BTNL2: variants seen among roughly 807,000 people sequenced by gnomAD.
BTNL2 encodes butyrophilin like 2.
Under a neutral mutation model 46.8 loss-of-function variants are expected in BTNL2, and 46 were observed. The observed-to-expected ratio is 0.98, with a 90% CI of 0.78 to 1.26. The LOEUF is 1.26. Ranked by LOEUF, BTNL2 falls within the 50% of genes most tolerant of loss-of-function variation. BTNL2 has a pLI of 0.00. For missense variants in BTNL2, 461 were observed against 592.6 expected (o/e 0.78, Z 2.31); for synonymous variants, 226 against 229.1 (o/e 0.99, Z 0.12).
chr6:32,403,456 A>C (rs921491585), intron 2 of BTNL2, among the ~76,000 whole-genome samples: 2 of 152,216 alleles, frequency 1.3e-5, no homozygotes, highest in African/African-American at 4.8e-5. Flanking sequence ...AGAAAGGGGA[A>C]TCGGAGAAGG....
rs575128622 is a variant in BTNL2, at chr6:32,404,949, G to C, written c.417C>G (p.Leu139=). Residue 139 remains leucine, a synonymous_variant, in exon 2 of 8, where the codon CTC becomes CTG. Transcript: ENST00000454136. ...GNYCGETSLL[L]KVAGLGSAPS... is the part of the protein sequence containing the mutation. ...TCCCCAGATATTCACCTGCTACTTT[G>C]AGCAGCAAGCTTGTTTCTCCACAGT... 6.2e-7 allele frequency: 1 copy of C among 1,612,500 alleles called. No individual in the cohort carries two copies. The highest frequency in any genetic ancestry group is 1.7e-4 in the Middle Eastern group (1 of 6,058).
intron 4 of BTNL2, among the ~76,000 whole-genome samples, chr6:32,401,188 A>C (rs1248042168): frequency 2.4e-5 from 3 of 124,418 alleles, no homozygotes; most frequent in Non-Finnish European, 3.2e-5. Context: ...AGCCTGGGCG[A>C]CAGAGCAAGA....
chr6:32,404,426 A>T (rs1193268846), intron 2 of BTNL2, among the ~76,000 whole-genome samples: 1 of 152,200 alleles, frequency 6.6e-6, no homozygotes, highest in Non-Finnish European at 1.5e-5. Flanking sequence ...TCCCCAATTC[A>T]TTGAACACTA....
Position 32,393,690 on chromosome 6 carries a change from C to T in BTNL2, c.*6+273G>A. 3.2e-6 allele frequency: 1 copy of T among 307,878 alleles called. No individual in the cohort carries two copies. The highest frequency in any genetic ancestry group is 5.8e-6 in the Non-Finnish European group (1 of 171,284). The allele number at this position is 307,878 out of a possible 1,614,324, so 19.1% of individuals were successfully genotyped here. Reference sequence around the variant, plus strand: ...TACTACTCACTTTTTTCTTCTTCTTCCCTAACCAGATCACTGGGGAATGGG... The same window carrying T: ...TACTACTCACTTTTTTCTTCTTCTTTCCTAACCAGATCACTGGGGAATGGG... On this transcript the variant is annotated intron_variant, in intron 7 of 7. Transcript: ENST00000454136. This position sits in a 1 kb window ranked among gnomAD's most constrained non-coding sequence, Gnocchi z 4.8.
At position 32,396,107 on chromosome 6, in the gene BTNL2, C is replaced by T. The variant is rs759801757; in HGVS notation, c.1010G>A (p.Gly337Glu). 9.9e-6 allele frequency: 16 copies of T among 1,612,936 alleles called. No homozygotes were observed. The highest frequency in any genetic ancestry group is 1.7e-5 in the Admixed American group (1 of 60,000). The change falls in exon 5 of 8, where the codon GGG becomes GAG. Residue 337 changes from glycine to glutamate, a missense_variant. Transcript: ENST00000454136. The surrounding 1 kb of genome is among the most constrained non-coding windows in gnomAD (Gnocchi z 4.4). ...QILSARPSDD[G>E]QYRCLFEKDD... Reference sequence around the variant, plus strand: ...TTTTTCAAAAAGGCAGCGGTACTGCCCGTCGTCCGAAGGTCTGGCACTGAG... The same window carrying T: ...TTTTTCAAAAAGGCAGCGGTACTGCTCGTCGTCCGAAGGTCTGGCACTGAG...
At position 32,394,186 on chromosome 6, in the gene BTNL2, C is replaced by G. The variant is rs1031151495; in HGVS notation, c.1361-129G>C. The G allele has an allele frequency of 1.0e-5, 13 of 1,259,290 alleles. No individual in the cohort carries two copies. The highest frequency in any genetic ancestry group is 1.4e-5 in the Non-Finnish European group (13 of 926,998). The allele number at this position is 1,259,290 out of a possible 1,614,324, so 78.0% of individuals were successfully genotyped here. ...TTTGGCCTCCCAGGAAGCAGTTGGCCTGCTCCTCCCTGCTCTGGAGATGCA... is the reference window on the plus strand; with the variant it reads ...TTTGGCCTCCCAGGAAGCAGTTGGCGTGCTCCTCCCTGCTCTGGAGATGCA... On this transcript the variant is annotated intron_variant, in intron 6 of 7. Transcript: ENST00000454136. The surrounding 1 kb of genome is among the most constrained non-coding windows in gnomAD (Gnocchi z 4.6).
In BTNL2 at chr6:32,394,902, G is replaced by C; in HGVS notation, c.1202C>G (p.Thr401Arg). 6.2e-7 allele frequency: 1 copy of C among 1,614,196 alleles called. No individual in the cohort carries two copies. The highest frequency in any genetic ancestry group is 8.5e-7 in the Non-Finnish European group (1 of 1,180,038). The change falls in exon 6 of 8, where the codon ACG becomes AGG. Residue 401 changes from threonine to arginine, a missense_variant. Physicochemically the swap from Thr to Arg is moderately conservative, Grantham distance 71 (BLOSUM62 -1). Transcript: ENST00000454136. This position sits in a 1 kb window ranked among gnomAD's most constrained non-coding sequence, Gnocchi z 4.6. ...CAGGGCCTGGGAAGATGATGGTATC[G>C]TCTTTCCTTCCATGTCCCTCCATGG... Reference protein sequence around the residue: ...HVPWRDMEGKTIPSSSQALTQ... With the variant: ...HVPWRDMEGKRIPSSSQALTQ...
Position 32,405,144 on chromosome 6 carries a change from C to G in BTNL2, c.222G>C (p.Val74=), listed in dbSNP as rs1562260241. Reference sequence around the variant, plus strand: ...CCTCCACTCCATCCCTGTGCACAAACACAGGTGTGCTGGGCTCTGAGCGGT... The same window carrying G: ...CCTCCACTCCATCCCTGTGCACAAAGACAGGTGTGCTGGGCTCTGAGCGGT... ...RWYRSEPSTP[V]FVHRDGVEVT... Residue 74 remains valine, a synonymous_variant, in exon 2 of 8, where the codon GTG becomes GTC. Transcript: ENST00000454136. 1.2e-6 allele frequency: 2 copies of G among 1,613,098 alleles called. No individual in the cohort carries two copies. The highest frequency in any genetic ancestry group is 4.5e-5 in the East Asian group (2 of 44,884).
At chr6:32,404,221 T>C (rs1776970853) in intron 2 of BTNL2, among the ~76,000 whole-genome samples, 1 of 152,198 alleles carries the variant, frequency 6.6e-6, no homozygotes, top group Non-Finnish European at 1.5e-5. Flanking sequence ...CCTTAGTAAT[T>C]GGATTTACTT....
Position 32,407,092 on chromosome 6 carries a change from C to A in BTNL2, c.32G>T (p.Gly11Val), listed in dbSNP as rs1562262821. MVDFPGYNLS[G>V]AVASFLFILL... ...GATGAATAGGAAGGAGGCGACTGCA[C>A]CAGACAGATTGTAGCCTGGAAAATC... is the stretch of plus-strand genomic sequence containing the variant. The change falls in exon 1 of 8, where the codon GGT becomes GTT. Residue 11 changes from glycine to valine, a missense_variant. By Grantham distance (109) the Gly-to-Val change is moderately radical. Transcript: ENST00000454136. 4 of 1,612,988 alleles carry A rather than the reference C, an allele frequency of 2.5e-6. No individual in the cohort carries two copies.
At chr6:32,398,246 A>G (rs1268553540) in intron 4 of BTNL2, among the ~76,000 whole-genome samples, 1 of 152,238 alleles carries the variant, frequency 6.6e-6, no homozygotes, top group Non-Finnish European at 1.5e-5. Context: ...TAATAGAAAC[A>G]CAAGCATAAA....
chr6:32,395,501 C>T (rs1376204351), intron 5 of BTNL2, among the ~76,000 whole-genome samples: 1 of 152,164 alleles, frequency 6.6e-6, no homozygotes, highest in Admixed American at 6.5e-5. Flanking sequence ...CGTAGCATAT[C>T]CAAGACTTGG....
chr6:32,405,830 TTTG>T lies in BTNL2; in HGVS notation c.80-547_80-545del, dbSNP rs1777114731. On this transcript the variant is annotated intron_variant, in intron 1 of 7. Transcript: ENST00000454136. The stretch of plus-strand genomic sequence containing the variant: ...CTGTTTTTTTTTTGTTTTTTTTTTG[TTTG>T]TTTTTTTCCCGTCTGGAGTTGGCAG... Among the ~76,000 whole-genome samples the T allele has an allele frequency of 1.1e-4, 13 of 117,022 alleles. No homozygotes were observed. In the South Asian group the frequency reaches 3.5e-3, roughly 32 times the overall value. The allele number at this position is 117,022 out of a possible 152,430, so 76.8% of individuals were successfully genotyped here.
In BTNL2 at chr6:32,399,690, T is replaced by A. The variant is rs1486745718; in HGVS notation, c.730+2095A>T. ...TAGCTGTAATATGAGGATAAAGCAA[T>A]TAAACTTTATAATTATTGTAAGAAA... On this transcript the variant is annotated intron_variant, in intron 4 of 7. Coordinates refer to ENST00000454136, the MANE Select transcript of BTNL2 (RefSeq NM_001304561.2). This position sits in a 1 kb window ranked among gnomAD's most constrained non-coding sequence, Gnocchi z 5.2. Among the ~76,000 whole-genome samples the A allele has an allele frequency of 6.6e-6, 1 of 152,212 alleles. No individual in the cohort carries two copies. Among genetic ancestry groups the A allele is most frequent in the Non-Finnish European group, 1.5e-5 (1 of 68,030 alleles).
In BTNL2 at chr6:32,393,858, C is replaced by A; in HGVS notation, c.*6+105G>T. 1 of 1,425,906 alleles carries A rather than the reference C, an allele frequency of 7.0e-7. No individual in the cohort carries two copies. Among genetic ancestry groups the A allele is most frequent in the Non-Finnish European group, 9.3e-7 (1 of 1,075,350 alleles). The allele number at this position is 1,425,906 out of a possible 1,614,324, so 88.3% of individuals were successfully genotyped here. A position where few individuals can be genotyped will look rare whatever the true frequency, so the allele number is the denominator to read the frequency against. ...CATGTTTCCTTAGTTACTGGATATTCACTGACTGCCTCCCATAGGTGACTT... is the reference window on the plus strand; with the variant it reads ...CATGTTTCCTTAGTTACTGGATATTAACTGACTGCCTCCCATAGGTGACTT... On this transcript the variant is annotated intron_variant, in intron 7 of 7. Transcript: ENST00000454136. The surrounding 1 kb of genome is among the most constrained non-coding windows in gnomAD (Gnocchi z 4.8).
intron 3 of BTNL2, among the ~76,000 whole-genome samples, chr6:32,402,356 A>G (rs1427159513): frequency 6.6e-6 from 1 of 152,184 alleles, no homozygotes; most frequent in African/African-American, 2.4e-5. Flanking sequence ...GTGATTGGAA[A>G]TGTCAATTTA....
chr6:32,398,182 T>C (rs1776560214), intron 4 of BTNL2, among the ~76,000 whole-genome samples: 1 of 152,194 alleles, frequency 6.6e-6, no homozygotes, highest in African/African-American at 2.4e-5. Context: ...AAATTAAGTG[T>C]CGTCCTTTTC....
intron 4 of BTNL2, among the ~76,000 whole-genome samples, chr6:32,401,412 G>A (rs1213457839): frequency 6.6e-6 from 1 of 151,868 alleles, no homozygotes; most frequent in African/African-American, 2.4e-5. Context: ...TGCTGCCCTT[G>A]TTCACACTTG....
intron 4 of BTNL2, among the ~76,000 whole-genome samples, chr6:32,397,787 G>A (rs118075267): frequency 0.012 from 1,840 of 152,210 alleles, 69 homozygotes; most frequent in East Asian, 0.11. Flanking sequence ...GTGGTAATAG[G>A]GAGGGGTTTA....
Sources: allele counts gnomAD v4.1 joint callset (sites outside exome capture counted in the v4.1 genomes callset), GRCh38; gene constraint gnomAD v4.1.1; non-coding constraint Gnocchi (gnomAD v3.1); transcripts MANE v1.5; gene names NCBI Gene and HGNC (gene_info 2026-07-23, HGNC 2026-07-21).